The following WIPF3 variants were observed in gnomAD, a reference collection of about 807,000 sequenced individuals.
WIPF3 encodes the protein WAS/WASL-interacting protein family member 3.
In WIPF3, 33 loss-of-function variants were observed where a neutral mutation model predicts 38.9. The ratio of observed to expected loss-of-function variants is 0.85; its 90% CI spans 0.64 to 1.14. WIPF3 has a LOEUF of 1.14. Among genes scored for constraint, WIPF3 ranks in the 50% most tolerant of loss-of-function variants. The probability of loss-of-function intolerance (pLI) is 0.00; values close to 1 mark genes in which losing one functional copy is unlikely to be tolerated. For missense variants in WIPF3, 711 were observed against 652.5 expected, an observed-to-expected ratio of 1.09 and a Z score of -0.98; for synonymous variants, 324 against 269.3, an observed-to-expected ratio of 1.20 and a Z score of -1.99.
At chr7:29,835,110 T>G (rs904096286) in intron 2 of WIPF3, among the ~76,000 whole-genome samples, 2 of 151,978 alleles carry the variant, frequency 1.3e-5, no homozygotes, top group Non-Finnish European at 2.9e-5. Context: ...AGTGACTTTC[T>G]GTCTCACTGG....
intron 2 of WIPF3, among the ~76,000 whole-genome samples, chr7:29,847,882 G>A (rs1785027418): frequency 6.6e-6 from 1 of 152,208 alleles, no homozygotes. Context: ...TCTGTGGTTA[G>A]CCTTGGGGGA....
intron 8 of WIPF3, 95 bp from the exon 9 acceptor site, chr7:29,914,398 C>A: frequency 9.6e-7 from 1 of 1,046,824 alleles, no homozygotes; most frequent in Non-Finnish European, 1.3e-6. Context: ...TGAGAAGCTT[C>A]GGGGCCCAGC....
At chr7:29,835,211 G>C (rs116673) in intron 2 of WIPF3, among the ~76,000 whole-genome samples, 2 of 152,008 alleles carry the variant, frequency 1.3e-5, no homozygotes, top group Non-Finnish European at 2.9e-5. Flanking sequence ...GTGATAATGA[G>C]AGATTGAGCT....
At chr7:29,887,899 C>T (rs1049713363) in intron 5 of WIPF3, among the ~76,000 whole-genome samples, 169 bp from the exon 6 acceptor site, 3 of 152,176 alleles carry the variant, frequency 2.0e-5, no homozygotes, top group Non-Finnish European at 1.5e-5. Flanking sequence ...CTACTTATCC[C>T]AACAGGAGAA....
chr7:29,834,748 A>G lies in WIPF3; in HGVS notation c.24A>G (p.Pro8=). 9.2e-7 allele frequency: 1 copy of G among 1,081,420 alleles called. No homozygotes were observed. The allele number at this position is 1,081,420 out of a possible 1,614,324, so 67.0% of individuals were successfully genotyped here. Residue 8 remains proline (P), a synonymous_variant, in exon 2 of 9, where the codon CCA becomes CCG. Coordinates refer to ENST00000242140, the MANE Select transcript of WIPF3 (RefSeq NM_001080529.3). ...ACATGCCAGTGCCACCGCCACCCCC[A>G]CCTCCTCTGCCTCCACCTCCCCCGC... The part of the protein sequence containing the change: MPVPPPP[P]PPLPPPPPPL...
intron 2 of WIPF3, among the ~76,000 whole-genome samples, chr7:29,867,483 G>C (rs1785408277): frequency 6.6e-6 from 1 of 150,940 alleles, no homozygotes; most frequent in Admixed American, 6.6e-5. Flanking sequence ...ACCTCACACT[G>C]TTCTAACTAG....
At chr7:29,826,733 G>C (rs1315897682) in intron 1 of WIPF3, among the ~76,000 whole-genome samples, 1 of 152,102 alleles carries the variant, frequency 6.6e-6, no homozygotes, top group African/African-American at 2.4e-5. Context: ...TTACTTGACT[G>C]AAAGCATGAC....
chr7:29,853,775 TG>T (rs1785142901), intron 2 of WIPF3, among the ~76,000 whole-genome samples: 1 of 152,230 alleles, frequency 6.6e-6, no homozygotes, highest in Non-Finnish European at 1.5e-5. Flanking sequence ...ATGGCTGATG[TG>T]AAGACTAATT....
At position 29,916,929 on chromosome 7, in the gene WIPF3, C is replaced by T. The variant is rs1209832009; in HGVS notation, c.*2413C>T. The stretch of plus-strand genomic sequence containing the variant: ...TAGAGACATCTGAGTCACACAGTCC[C>T]CGCCATTGTCACATATTCTCACTGA... On this transcript the variant is annotated 3_prime_UTR_variant, in exon 9 of 9. Transcript: ENST00000242140. 6.6e-6 allele frequency: 1 copy of T among 152,170 alleles called. No homozygotes were observed. Among genetic ancestry groups the T allele is most frequent in the Non-Finnish European group, 1.5e-5 (1 of 68,046 alleles). The allele number at this position is 152,170 out of a possible 1,614,324, so 9.4% of individuals were successfully genotyped here.
chr7:29,885,049 T>TCCAAAACCA (rs1341415999), intron 5 of WIPF3, among the ~76,000 whole-genome samples: 2 of 152,190 alleles, frequency 1.3e-5, no homozygotes, highest in African/African-American at 4.8e-5. Flanking sequence ...CTTTTATATT[T>TCCAAAACCA]GCCCGCGTTT....
At position 29,884,016 on chromosome 7, in the gene WIPF3, GC is replaced by G. The variant is rs1785782340; in HGVS notation, c.527del (p.Pro176LeufsTer32). ...APPRPNVPAP[P>X]PPTPPPPPPP... The stretch of plus-strand genomic sequence containing the variant: ...CGCCTCGCCCCAACGTGCCTGCCCC[GC>G]CCCCTCCCACCCCACCCCCTCCGCC... On this transcript the variant is annotated frameshift_variant, in exon 5 of 9. Coordinates refer to ENST00000242140, the MANE Select transcript of WIPF3 (RefSeq NM_001080529.3). LOFTEE classifies it high-confidence loss of function. 5 of 812,436 alleles carry G rather than the reference GC, an allele frequency of 6.2e-6. No individual in the cohort carries two copies. Among genetic ancestry groups the G allele is most frequent in the Non-Finnish European group, 5.8e-6 (4 of 685,102 alleles). The allele number at this position is 812,436 out of a possible 1,614,324, so 50.3% of individuals were successfully genotyped here.
intron 4 of WIPF3, among the ~76,000 whole-genome samples, chr7:29,879,592 T>G (rs1055787690): frequency 1.3e-5 from 2 of 152,062 alleles, no homozygotes; most frequent in African/African-American, 4.8e-5. Context: ...AAACAATCAT[T>G]TTTTAGCCTA....
At chr7:29,825,352 GA>G (rs1035543226) in intron 1 of WIPF3, among the ~76,000 whole-genome samples, 8 of 151,784 alleles carry the variant, frequency 5.3e-5, no homozygotes, top group Middle Eastern at 6.8e-3. Flanking sequence ...AAAGTTGAAG[GA>G]AAAAAAATAT....
chr7:29,907,390 G>A (rs905272001), intron 8 of WIPF3, among the ~76,000 whole-genome samples: 1 of 152,150 alleles, frequency 6.6e-6, no homozygotes, highest in African/African-American at 2.4e-5. Context: ...TAAAAAAGCA[G>A]ATATTTTGTA....
At chr7:29,904,069 C>G (rs1328229828) in intron 7 of WIPF3, among the ~76,000 whole-genome samples, 2 of 152,036 alleles carry the variant, frequency 1.3e-5, no homozygotes, top group African/African-American at 2.4e-5. Context: ...ATTTGATGGG[C>G]CTTAATAATT....
intron 8 of WIPF3, chr7:29,905,774 A>G (rs2128081063): frequency 6.6e-6 from 1 of 152,278 alleles, no homozygotes; most frequent in African/African-American, 2.4e-5. Context: ...CCTCTGGCTG[A>G]AGTGGCCTCC....
chr7:29,861,720 G>A (rs573108822), intron 2 of WIPF3, among the ~76,000 whole-genome samples: 19 of 152,282 alleles, frequency 1.2e-4, no homozygotes, highest in African/African-American at 3.6e-4. Flanking sequence ...AATGGCTGGC[G>A]TGCAGGGTCA....
intron 1 of WIPF3, among the ~76,000 whole-genome samples, chr7:29,832,759 T>C (rs1017284836): frequency 2.8e-4 from 43 of 152,200 alleles, no homozygotes; most frequent in African/African-American, 1.0e-3. Context: ...TCAATTTTTG[T>C]ACAAATTTAG....
intron 2 of WIPF3, among the ~76,000 whole-genome samples, chr7:29,863,923 T>C (rs922720044): frequency 2.5e-4 from 38 of 152,212 alleles, no homozygotes; most frequent in African/African-American, 8.7e-4. Context: ...CCTGACTAAA[T>C]TGACTTATCA....
Sources: gnomAD v4.1 joint callset for allele counts (sites outside exome capture counted in the v4.1 genomes callset) on GRCh38, gnomAD v4.1.1 for gene constraint, MANE v1.5 for transcripts, NCBI Gene and HGNC (gene_info 2026-07-23, HGNC 2026-07-21) for gene names.